ATP10A: variants seen among roughly 807,000 people sequenced by gnomAD.
ATP10A encodes ATPase phospholipid transporting 10A (putative), also known as phospholipid-transporting ATPase VA.
ATP10A carries 111 observed loss-of-function variants against 147.8 expected under a neutral mutation model. The ratio of observed to expected loss-of-function variants is 0.75; its 90% CI spans 0.64 to 0.88. The LOEUF (loss-of-function observed/expected upper bound fraction) is 0.88, where lower values mean the gene tolerates loss of function less well. Ranked by LOEUF, ATP10A falls within the 40% of genes least tolerant of loss-of-function variation. The pLI is 0.00. For synonymous variants in ATP10A, 875 were observed against 841.6 expected, an observed-to-expected ratio of 1.04 and a Z score of -0.69; for missense variants, 1,927 against 1,959.0, an observed-to-expected ratio of 0.98 and a Z score of 0.31.
intron 1 of ATP10A, among the ~76,000 whole-genome samples, chr15:25,785,493 C>A (rs917387280): frequency 6.6e-6 from 1 of 152,206 alleles, no homozygotes; most frequent in African/African-American, 2.4e-5. Context: ...GCAGCCTGAG[C>A]TGACGAATAC....
intron 1 of ATP10A, among the ~76,000 whole-genome samples, chr15:25,827,548 G>A (rs1892167988): frequency 6.6e-6 from 1 of 152,180 alleles, no homozygotes; most frequent in African/African-American, 2.4e-5. Flanking sequence ...AAGTTTTCAT[G>A]GCACTGTAAT....
chr15:25,860,637 A>C (rs1378319853), intron 1 of ATP10A, among the ~76,000 whole-genome samples: 4 of 152,170 alleles, frequency 2.6e-5, no homozygotes, highest in African/African-American at 9.7e-5. Context: ...GGGAGAGTTA[A>C]GATATCTGGA....
intron 15 of ATP10A, among the ~76,000 whole-genome samples, chr15:25,688,390 C>G (rs1408739819): frequency 6.6e-6 from 1 of 152,182 alleles, no homozygotes. Context: ...CGGGTGCGGG[C>G]AGTGGCCGTG....
intron 1 of ATP10A, among the ~76,000 whole-genome samples, chr15:25,851,975 A>G (rs1893318018): frequency 6.6e-6 from 1 of 152,204 alleles, no homozygotes; most frequent in Non-Finnish European, 1.5e-5. Flanking sequence ...AGCAATAATG[A>G]CAGCAGTTGT....
In ATP10A at chr15:25,683,419, T is replaced by A. The variant is rs79927670; in HGVS notation, c.3359A>T (p.Gln1120Leu). 6.2e-7 allele frequency: 1 copy of A among 1,613,864 alleles called. No individual in the cohort carries two copies. The highest frequency in any genetic ancestry group is 8.5e-7 in the Non-Finnish European group (1 of 1,179,980). The change falls in exon 17 of 21, where the codon CAG (glutamine) becomes CTG (leucine). Residue 1120 changes from glutamine (Q) to leucine (L), a missense_variant. Gln to Leu is a moderately radical substitution (Grantham distance 113, BLOSUM62 -2). Transcript: ENST00000555815. The stretch of plus-strand genomic sequence containing the variant: ...CAGATTAAAGAAGATTAGATACCAC[T>A]GGTCAATCATGGTAGATGCAGAGAA... Reference protein sequence around the residue: ...CGFSASTMIDQWYLIFFNLLF... With the variant: ...CGFSASTMIDLWYLIFFNLLF...
intron 1 of ATP10A, among the ~76,000 whole-genome samples, chr15:25,793,025 C>A (rs1373832119): frequency 6.6e-6 from 1 of 152,054 alleles, no homozygotes; most frequent in Non-Finnish European, 1.5e-5. Flanking sequence ...CATGCGCCAC[C>A]ATGCCCAGCT....
chr15:25,855,453 T>C (rs150071206), intron 1 of ATP10A, among the ~76,000 whole-genome samples: 24 of 151,504 alleles, frequency 1.6e-4, no homozygotes, highest in African/African-American at 5.1e-4. Flanking sequence ...GCAAAAACAC[T>C]CAACAAAGTA....
At chr15:25,688,011 G>A in intron 15 of ATP10A, 183 bp from the exon 16 acceptor site, 1 of 738,532 alleles carries the variant, frequency 1.4e-6, no homozygotes, top group Non-Finnish European at 2.3e-6. Context: ...CGTTACAAAA[G>A]AGGCAATCTC....
intron 2 of ATP10A, among the ~76,000 whole-genome samples, chr15:25,748,082 C>T (rs1362888493): frequency 3.3e-5 from 5 of 152,046 alleles, no homozygotes; most frequent in African/African-American, 1.2e-4. Flanking sequence ...CCTGCCTCAG[C>T]CTCCCGAGTA....
At chr15:25,854,644 T>C (rs752130852) in intron 1 of ATP10A, among the ~76,000 whole-genome samples, 5 of 152,200 alleles carry the variant, frequency 3.3e-5, no homozygotes, top group Non-Finnish European at 7.3e-5. Flanking sequence ...TGGGTTGCAA[T>C]AGTAATCTTT....
chr15:25,739,824 G>C (rs1421930904), intron 2 of ATP10A, among the ~76,000 whole-genome samples: 1 of 152,230 alleles, frequency 6.6e-6, no homozygotes, highest in Non-Finnish European at 1.5e-5. Context: ...TTTGGGCAAA[G>C]TGATTTGACC....
intron 17 of ATP10A, 91 bp downstream of exon 17, chr15:25,683,195 T>C: frequency 1.6e-6 from 2 of 1,262,926 alleles, no homozygotes. Flanking sequence ...GGTGTCCATC[T>C]GAAGGGAGGC....
At chr15:25,722,831 C>T (rs559295368) in intron 6 of ATP10A, among the ~76,000 whole-genome samples, 1 of 152,290 alleles carries the variant, frequency 6.6e-6, no homozygotes, top group South Asian at 2.1e-4. Flanking sequence ...CCCCCTCGTC[C>T]TCTGGACTCT....
At chr15:25,786,309 G>C (rs370241185) in intron 1 of ATP10A, among the ~76,000 whole-genome samples, 64 of 152,312 alleles carry the variant, frequency 4.2e-4, no homozygotes, top group African/African-American at 1.5e-3. Flanking sequence ...CCACGGCCGA[G>C]TGAACACGGC....
chr15:25,728,584 C>G (rs1362128147), intron 3 of ATP10A, among the ~76,000 whole-genome samples: 1 of 152,238 alleles, frequency 6.6e-6, no homozygotes, highest in Admixed American at 6.5e-5. Flanking sequence ...TATCACGTGT[C>G]TCCCGTGGAC....
intron 13 of ATP10A, 73 bp from the exon 14 acceptor site, chr15:25,695,219 C>A: frequency 7.1e-7 from 1 of 1,404,334 alleles, no homozygotes; most frequent in Non-Finnish European, 9.7e-7. Context: ...TGGCTCAACA[C>A]CTCTGGAGCT....
intron 2 of ATP10A, among the ~76,000 whole-genome samples, chr15:25,777,940 CT>C (rs1462435693): frequency 6.6e-6 from 1 of 151,744 alleles, no homozygotes; most frequent in East Asian, 1.9e-4. Context: ...CTCTTTATTT[CT>C]TTTTTATTTA....
intron 1 of ATP10A, among the ~76,000 whole-genome samples, chr15:25,858,732 C>A (rs1373334899): frequency 2.0e-5 from 3 of 152,094 alleles, no homozygotes; most frequent in African/African-American, 7.2e-5. Context: ...TGAGATGCTG[C>A]CCTCAGACCC....
chr15:25,687,493 A>T (rs4459518), intron 16 of ATP10A, among the ~76,000 whole-genome samples: 72,878 of 151,362 alleles, frequency 0.48, 20,214 homozygotes, highest in African/African-American at 0.77. Context: ...CTCCCTAGAG[A>T]TGCAGCTGCT....
Sources: gnomAD v4.1 joint callset for allele counts (sites outside exome capture counted in the v4.1 genomes callset) on GRCh38, gnomAD v4.1.1 for gene constraint, MANE v1.5 for transcripts, NCBI Gene and HGNC (gene_info 2026-07-23, HGNC 2026-07-21) for gene names.